The following SLC13A2 variants were observed in gnomAD, a reference collection of about 807,000 sequenced individuals.
The protein encoded by SLC13A2 is solute carrier family 13 member 2.
SLC13A2 carries 40 observed loss-of-function variants against 58.5 expected under a neutral mutation model. That is an observed-to-expected ratio of 0.68 (90% CI 0.53 to 0.89). The LOEUF (loss-of-function observed/expected upper bound fraction) is 0.89. Among genes scored for constraint, SLC13A2 ranks in the 40% least tolerant of loss-of-function variants. The pLI is 0.00. For synonymous variants in SLC13A2, 341 were observed against 331.6 expected (o/e 1.03, Z -0.31); for missense variants, 694 against 772.6 (o/e 0.90, Z 1.21).
chr17:28,483,797 T>G (rs1449362175), intron 1 of SLC13A2, among the ~76,000 whole-genome samples: 1 of 152,228 alleles, frequency 6.6e-6, no homozygotes, highest in African/African-American at 2.4e-5. Flanking sequence ...TGCTTGATGT[T>G]TCTTACCAGA....
Position 28,497,345 on chromosome 17 carries a change from A to G in SLC13A2, c.*76A>G. On this transcript the variant is annotated 3_prime_UTR_variant, in exon 12 of 12. Coordinates refer to ENST00000314669, the MANE Select transcript of SLC13A2 (RefSeq NM_003984.4). ...CTCTGAGCCCGGAGGGGACACCCCA[A>G]GCTCCAAGCTCCAAGCTCCAGGCCA... 2.1e-6 allele frequency: 3 copies of G among 1,450,610 alleles called. No homozygotes were observed. Among genetic ancestry groups the G allele is most frequent in the South Asian group, 2.6e-5 (2 of 77,488 alleles). 89.9% of individuals were successfully genotyped at this position (1,450,610 alleles called of 1,614,324 possible). A position where few individuals can be genotyped will look rare whatever the true frequency, so the allele number is the denominator to read the frequency against.
intron 1 of SLC13A2, among the ~76,000 whole-genome samples, chr17:28,481,745 T>C (rs2068790405): frequency 6.6e-6 from 1 of 152,258 alleles, no homozygotes; most frequent in South Asian, 2.1e-4. Context: ...TTGTCCCCTT[T>C]GTATATTCAG....
At chr17:28,482,512 T>G (rs1260353870) in intron 1 of SLC13A2, among the ~76,000 whole-genome samples, 7 of 152,218 alleles carry the variant, frequency 4.6e-5, no homozygotes, top group African/African-American at 1.7e-4. Context: ...GAAATTTCCC[T>G]GAATGCATAC....
At chr17:28,493,327 A>G (rs2069065266) in intron 6 of SLC13A2, among the ~76,000 whole-genome samples, 1 of 152,158 alleles carries the variant, frequency 6.6e-6, no homozygotes, top group Non-Finnish European at 1.5e-5. Context: ...AGGGTTCAGC[A>G]CCATAGAACC....
chr17:28,478,180 A>G (rs1324725625), intron 1 of SLC13A2, among the ~76,000 whole-genome samples: 1 of 152,194 alleles, frequency 6.6e-6, no homozygotes, highest in Non-Finnish European at 1.5e-5. Context: ...GCTAGGAAAA[A>G]AGTTTGAACT....
At chr17:28,485,999 A>G (rs2068873819) in intron 1 of SLC13A2, among the ~76,000 whole-genome samples, 1 of 152,218 alleles carries the variant, frequency 6.6e-6, no homozygotes, top group Admixed American at 6.5e-5. Flanking sequence ...TCTTTAAAAA[A>G]AATTTTTTTT....
rs190916030 is a variant in SLC13A2 at position 28,489,105 on chromosome 17, G to C, written c.103-109G>C. On this transcript the variant is annotated intron_variant, in intron 1 of 11. Transcript: ENST00000314669. Reference sequence around the variant, plus strand: ...GAATCAATGACTGTGGGTTTCACAGGCTCTCCCCAGGCAGTCACAAATGGC... The same window carrying C: ...GAATCAATGACTGTGGGTTTCACAGCCTCTCCCCAGGCAGTCACAAATGGC... 3.0e-5 allele frequency: 39 copies of C among 1,287,184 alleles called. No individual in the cohort carries two copies. In the East Asian group the frequency reaches 7.6e-4, roughly 25 times the overall value. 79.7% of individuals were successfully genotyped at this position (1,287,184 alleles called of 1,614,324 possible). A position where few individuals can be genotyped will look rare whatever the true frequency, so the allele number is the denominator to read the frequency against.
intron 6 of SLC13A2, among the ~76,000 whole-genome samples, chr17:28,492,660 G>A (rs1597889529): frequency 6.6e-6 from 1 of 152,342 alleles, no homozygotes; most frequent in East Asian, 1.9e-4. Context: ...GTAATAAATA[G>A]ATTTCATTCC....
chr17:28,497,094 A>T lies in SLC13A2; in HGVS notation c.1609-5A>T. On this transcript the variant is annotated splice_polypyrimidine_tract_variant and splice_region_variant and intron_variant, in intron 11 of 11. Transcript: ENST00000314669. ...GCTTAGCCAAATGGACTCTCCTCAC[A>T]CCAGGCCCGGGCAGGATTCCTCCTC... 1.2e-6 allele frequency: 2 copies of T among 1,613,438 alleles called. No homozygotes were observed. The highest frequency in any genetic ancestry group is 1.7e-6 in the Non-Finnish European group (2 of 1,179,610).
chr17:28,474,542 T>C (rs374962954), intron 1 of SLC13A2, among the ~76,000 whole-genome samples: 7 of 152,294 alleles, frequency 4.6e-5, no homozygotes, highest in African/African-American at 1.7e-4. Flanking sequence ...AGGTCAGGCC[T>C]GACTGTCCCA....
intron 1 of SLC13A2, among the ~76,000 whole-genome samples, chr17:28,484,535 C>T (rs918982724): frequency 6.6e-6 from 1 of 152,082 alleles, no homozygotes; most frequent in Admixed American, 6.6e-5. Flanking sequence ...CCTGAAAGCA[C>T]TAGGAAGCCA....
In SLC13A2 at chr17:28,489,277, C is replaced by G; in HGVS notation, c.166C>G (p.Leu56Val). ...CTTCTGGTGCACTGAGGCCCTGCCC[C>G]TGGCCGTCACTGCCCTCTTCCCCTT... The part of the protein sequence containing the change: ...ALFWCTEALP[L>V]AVTALFPLIL... Residue 56 changes from leucine to valine, a missense_variant, in exon 2 of 12, where the codon CTG becomes GTG. Coordinates refer to ENST00000314669, the MANE Select transcript of SLC13A2 (RefSeq NM_003984.4). The G allele has an allele frequency of 6.2e-7, 1 of 1,614,150 alleles. No homozygotes were observed. Among genetic ancestry groups the G allele is most frequent in the Non-Finnish European group, 8.5e-7 (1 of 1,180,038 alleles).
At chr17:28,491,364 C>T in intron 4 of SLC13A2, 73 bp from the exon 5 acceptor site, 1 of 1,533,984 alleles carries the variant, frequency 6.5e-7, no homozygotes, top group Non-Finnish European at 8.9e-7. Context: ...CCCTGGAGGG[C>T]CTTGCAGCCC....
At chr17:28,490,107 C>G (rs561164613) in intron 2 of SLC13A2, among the ~76,000 whole-genome samples, 1 of 152,238 alleles carries the variant, frequency 6.6e-6, no homozygotes, top group South Asian at 2.1e-4. Flanking sequence ...AACCTCATCT[C>G]TACAAAAAAT....
In SLC13A2 at chr17:28,494,183, C is replaced by T. The variant is rs2069092861; in HGVS notation, c.1186+78C>T. 6.7e-7 allele frequency: 1 copy of T among 1,499,902 alleles called. No homozygotes were observed. The highest frequency in any genetic ancestry group is 9.3e-7 in the Non-Finnish European group (1 of 1,080,568). 92.9% of individuals were successfully genotyped at this position (1,499,902 alleles called of 1,614,324 possible). A position where few individuals can be genotyped will look rare whatever the true frequency, so the allele number is the denominator to read the frequency against. On this transcript the variant is annotated intron_variant, in intron 8 of 11. Transcript: ENST00000314669. The surrounding 1 kb of genome is among the most constrained non-coding windows in gnomAD (Gnocchi z 4.0). The stretch of plus-strand genomic sequence containing the variant: ...AGTATGTAATGTACCTTCCACCACA[C>T]TTGGCAGGAGTAGGCAAAGCCCAGA...
rs1555603258 is a variant in SLC13A2, at chr17:28,490,908, T to C, written c.574+2T>C. 1 of 1,610,780 alleles carries C rather than the reference T, an allele frequency of 6.2e-7. No individual in the cohort carries two copies. The highest frequency in any genetic ancestry group is 1.7e-4 in the Middle Eastern group (1 of 6,056). ...CCCAGAAGGAGGTGACCAAGCTTGG[T>C]GAGAAAAATGAGGCTAGACTCTGCC... On this transcript the variant is annotated splice_donor_variant, in intron 4 of 11. Transcript: ENST00000314669. LOFTEE classifies it high-confidence loss of function.
rs1339920878 is a variant in SLC13A2 at position 28,496,663 on chromosome 17, G to A, written c.1608+76G>A. ...TTTCATCTTAGTGAACCACAAAGCA[G>A]CTTAAAGCCACTGAGAGTCTCAGAG... On this transcript the variant is annotated intron_variant, in intron 11 of 11. Transcript: ENST00000314669. The surrounding 1 kb of genome is among the most constrained non-coding windows in gnomAD (Gnocchi z 4.2). 6 of 1,535,480 alleles carry A rather than the reference G, an allele frequency of 3.9e-6. No homozygotes were observed. The highest frequency in any genetic ancestry group is 5.3e-6 in the Non-Finnish European group (6 of 1,135,740).
chr17:28,491,238 TAG>T (rs2069011775), intron 4 of SLC13A2, among the ~76,000 whole-genome samples, 197 bp from the exon 5 acceptor site: 1 of 152,232 alleles, frequency 6.6e-6, no homozygotes, highest in African/African-American at 2.4e-5. Context: ...GGTCAGATCA[TAG>T]AGTGTCCAAG....
rs117154964 is a variant in SLC13A2, at chr17:28,491,745, C to G, written c.771C>G (p.Asn257Lys). Residue 257 changes from asparagine to lysine, a missense_variant, in exon 6 of 12, where the codon AAC becomes AAG. Coordinates refer to ENST00000314669, the MANE Select transcript of SLC13A2 (RefSeq NM_003984.4). ...CCTCCTTCAGGCTCTTCCCCCAAAA[C>G]GGCAACGTGGTGAACTTCGCCTCCT... ...QGQINSLFPQ[N>K]GNVVNFASWF... is the part of the protein sequence containing the mutation. 1 of 1,614,030 alleles carries G rather than the reference C, an allele frequency of 6.2e-7. No homozygotes were observed. Among genetic ancestry groups the G allele is most frequent in the Non-Finnish European group, 8.5e-7 (1 of 1,180,016 alleles).
Sources: gnomAD v4.1 joint callset for allele counts (sites outside exome capture counted in the v4.1 genomes callset) on GRCh38, gnomAD v4.1.1 for gene constraint, Gnocchi (gnomAD v3.1) non-coding constraint, MANE v1.5 for transcripts, NCBI Gene and HGNC (gene_info 2026-07-23, HGNC 2026-07-21) for gene names.